Variants in WDR11 observed in about 807,000 individuals in gnomAD.
The protein encoded by WDR11 is WD repeat-containing protein 11.
WDR11 carries 83 observed loss-of-function variants against 151.2 expected under a neutral mutation model. The observed-to-expected ratio is 0.55, with a 90% CI of 0.46 to 0.66. WDR11 has a LOEUF of 0.66. Among genes scored for constraint, WDR11 ranks in the 30% least tolerant of loss-of-function variants. The pLI, the probability that WDR11 is intolerant of heterozygous loss-of-function variation, is 0.00. For missense variants in WDR11, 1,301 were observed against 1,480.9 expected (o/e 0.88, Z 1.99); for synonymous variants, 484 against 533.1 (o/e 0.91, Z 1.27).
chr10:120,885,823 C>T lies in WDR11; in HGVS notation c.1858C>T (p.Pro620Ser). The T allele has an allele frequency of 6.2e-7, 1 of 1,613,694 alleles. No individual in the cohort carries two copies. The highest frequency in any genetic ancestry group is 8.5e-7 in the Non-Finnish European group (1 of 1,179,726). ...FPTITALEWS[P>S]SHNLKSLRKK... ...TGCATTTGCTTTACAGGAGTGGTCA[C>T]CATCTCACAACTTGAAGAGCCTGAG... Residue 620 changes from proline to serine, a missense_variant, in exon 15 of 29, where the codon CCA becomes TCA. Transcript: ENST00000263461.
intron 7 of WDR11, among the ~76,000 whole-genome samples, chr10:120,866,243 A>G (rs1846307075): frequency 6.6e-6 from 1 of 152,210 alleles, no homozygotes; most frequent in Non-Finnish European, 1.5e-5. Flanking sequence ...TTTCAGGCTT[A>G]TAGACTACTA....
chr10:120,882,900 AACTT>A (rs2040567286), intron 13 of WDR11, among the ~76,000 whole-genome samples: 1 of 152,114 alleles, frequency 6.6e-6, no homozygotes, highest in South Asian at 2.1e-4. Context: ...CTAAAATAGA[AACTT>A]AGATAATTGA....
intron 11 of WDR11, among the ~76,000 whole-genome samples, chr10:120,875,003 C>T (rs1159692681): frequency 1.3e-5 from 2 of 151,738 alleles, no homozygotes; most frequent in Non-Finnish European, 2.9e-5. Flanking sequence ...GTGTGATGTT[C>T]CTCTCGCTGT....
chr10:120,878,273 GA>G (rs925811620), intron 11 of WDR11, 79 bp from the exon 12 acceptor site: 21 of 1,191,706 alleles, frequency 1.8e-5, no homozygotes, highest in Admixed American at 1.9e-5. Context: ...TAGGTCTTTG[GA>G]AAACTTATTT....
At chr10:120,894,470 G>A (rs911328814) in intron 19 of WDR11, among the ~76,000 whole-genome samples, 9 of 152,114 alleles carry the variant, frequency 5.9e-5, no homozygotes, top group Non-Finnish European at 8.8e-5. Flanking sequence ...ACGATCTGGC[G>A]CAATGAAGAA....
intron 10 of WDR11, among the ~76,000 whole-genome samples, chr10:120,872,409 G>C (rs1846578960): frequency 6.6e-6 from 1 of 152,154 alleles, no homozygotes; most frequent in South Asian, 2.1e-4. Context: ...CAGTGTTCCT[G>C]ATTTGTCAGT....
intron 10 of WDR11, 132 bp downstream of exon 10, chr10:120,871,478 T>A: frequency 1.1e-6 from 1 of 927,514 alleles, no homozygotes; most frequent in Non-Finnish European, 1.6e-6. Context: ...AAACTGTAAA[T>A]ACTCATCCTG....
At chr10:120,867,270 A>G in intron 9 of WDR11, 101 bp downstream of exon 9, 1 of 849,472 alleles carries the variant, frequency 1.2e-6, no homozygotes, top group Non-Finnish European at 2.0e-6. Context: ...AAAAAAGTTA[A>G]TACTTGAGAA....
intron 5 of WDR11, among the ~76,000 whole-genome samples, chr10:120,863,277 T>C (rs962961507): frequency 6.6e-6 from 1 of 152,354 alleles, no homozygotes; most frequent in Non-Finnish European, 1.5e-5. Flanking sequence ...TACATTTTCC[T>C]GACTTAGGTG....
rs753389962 is a variant in WDR11 at position 120,905,968 on chromosome 10, C to A, written c.3384C>A (p.Leu1128=). The A allele has an allele frequency of 8.1e-6, 13 of 1,614,086 alleles. No homozygotes were observed. The highest frequency in any genetic ancestry group is 3.3e-4 in the Middle Eastern group (2 of 6,030). The part of the protein sequence containing the change: ...SPQVNQKSKA[L]LVLLSLGCFF... ...AAGTCAATCAGAAATCAAAGGCTCTCCTGGTTCTCCTCTCTCTGGGCTGCT... is the reference window on the plus strand; with the variant it reads ...AAGTCAATCAGAAATCAAAGGCTCTACTGGTTCTCCTCTCTCTGGGCTGCT... The change falls in exon 27 of 29, where the codon CTC becomes CTA. Residue 1128 remains leucine, a synonymous_variant. Coordinates refer to ENST00000263461, the MANE Select transcript of WDR11 (RefSeq NM_018117.12).
At position 120,858,720 on chromosome 10, in the gene WDR11, T is replaced by C. The variant is rs778280387; in HGVS notation, c.276T>C (p.Asn92=). Reference sequence around the variant, plus strand: ...TACGGTTAGCTTCTGCTGATGTCAATGGGAAGATCATCGTCTGGGATGTAG... The same window carrying C: ...TACGGTTAGCTTCTGCTGATGTCAACGGGAAGATCATCGTCTGGGATGTAG... The part of the protein sequence containing the change: ...YCLRLASADV[N]GKIIVWDVAA... Residue 92 remains asparagine (N), a synonymous_variant, in exon 3 of 29, where the codon AAT becomes AAC. Transcript: ENST00000263461. 13 of 1,614,188 alleles carry C rather than the reference T, an allele frequency of 8.1e-6. No individual in the cohort carries two copies. The highest frequency in any genetic ancestry group is 1.1e-5 in the Non-Finnish European group (13 of 1,180,034).
intron 5 of WDR11, 55 bp from the exon 6 acceptor site, chr10:120,864,992 A>T: frequency 6.4e-7 from 1 of 1,571,508 alleles, no homozygotes; most frequent in Non-Finnish European, 8.8e-7. Context: ...TAAATCTTTT[A>T]TTAGGTCTGA....
Position 120,851,665 on chromosome 10 carries a change from G to C in WDR11, c.86+159G>C, listed in dbSNP as rs186415405. The C allele has an allele frequency of 7.4e-5, 61 of 826,248 alleles. 1 individual carries two copies. Among genetic ancestry groups the C allele is most frequent in the Admixed American group, 3.4e-4 (15 of 44,346 alleles). 51.2% of individuals were successfully genotyped at this position (826,248 alleles called of 1,614,324 possible). A position where few individuals can be genotyped will look rare whatever the true frequency, so the allele number is the denominator to read the frequency against. ...TGCTTTCAGTTGGTGGATTTTTGTT[G>C]TTACAAAAGTGATAATAGCCCCGTG... On this transcript the variant is annotated intron_variant, in intron 1 of 28. Coordinates refer to ENST00000263461, the MANE Select transcript of WDR11 (RefSeq NM_018117.12).
chr10:120,878,761 A>G (rs1481145363), intron 12 of WDR11, among the ~76,000 whole-genome samples: 1 of 152,208 alleles, frequency 6.6e-6, no homozygotes, highest in Non-Finnish European at 1.5e-5. Flanking sequence ...ACTTTAAAAG[A>G]TCGATTTAAA....
At chr10:120,851,677 A>G (rs1221251277) in intron 1 of WDR11, 171 bp downstream of exon 1, 2 of 721,572 alleles carry the variant, frequency 2.8e-6, no homozygotes, top group South Asian at 1.7e-5. Context: ...TACAAAAGTG[A>G]TAATAGCCCC....
chr10:120,906,943 G>C, intron 28 of WDR11, 88 bp downstream of exon 28: 1 of 1,559,422 alleles, frequency 6.4e-7, no homozygotes, highest in African/African-American at 1.4e-5. Flanking sequence ...TGCCTGGACA[G>C]GAACTATATT....
At chr10:120,874,956 C>G (rs893679322) in intron 11 of WDR11, among the ~76,000 whole-genome samples, 1 of 151,954 alleles carries the variant, frequency 6.6e-6, no homozygotes, top group African/African-American at 2.4e-5. Context: ...CTAATGCTCT[C>G]CCTCCCCTTG....
At chr10:120,855,341 T>C (rs1443497913) in intron 2 of WDR11, among the ~76,000 whole-genome samples, 1 of 152,172 alleles carries the variant, frequency 6.6e-6, no homozygotes, top group African/African-American at 2.4e-5. Context: ...GATTTCATCA[T>C]GCTATTCAGA....
chr10:120,865,526 TTTTTTTC>T lies in WDR11; in HGVS notation c.880-99_880-93del. On this transcript the variant is annotated intron_variant, in intron 6 of 28. Transcript: ENST00000263461. Reference sequence around the variant, plus strand: ...TTTTAAAGTTTGGGATTTGTCTATTTTTTTTTCTTTTGCCCATATTATCTAAATATGA... The same window carrying T: ...TTTTAAAGTTTGGGATTTGTCTATTTTTTTGCCCATATTATCTAAATATGA... 3 of 789,630 alleles carry T rather than the reference TTTTTTTC, an allele frequency of 3.8e-6. No homozygotes were observed. In the South Asian group the frequency reaches 5.3e-5, roughly 14 times the overall value. 48.9% of individuals were successfully genotyped at this position (789,630 alleles called of 1,614,324 possible). A position where few individuals can be genotyped will look rare whatever the true frequency, so the allele number is the denominator to read the frequency against.
Sources: gnomAD v4.1 joint callset for allele counts (sites outside exome capture counted in the v4.1 genomes callset) on GRCh38, gnomAD v4.1.1 for gene constraint, MANE v1.5 for transcripts, NCBI Gene and HGNC (gene_info 2026-07-23, HGNC 2026-07-21) for gene names.